The following KCNIP4 variants were observed in gnomAD, a reference collection of about 807,000 sequenced individuals.
The protein encoded by KCNIP4 is potassium voltage-gated channel interacting protein 4, also known as Kv channel-interacting protein 4.
In KCNIP4, 12 loss-of-function variants were observed where a neutral mutation model predicts 34.0. The observed-to-expected ratio is 0.35, with a 90% CI of 0.23 to 0.57. The LOEUF (loss-of-function observed/expected upper bound fraction) is 0.57, where lower values mean the gene tolerates loss of function less well. KCNIP4 is among the 20% of genes least tolerant of loss of function. The probability of loss-of-function intolerance (pLI) is 0.83; values close to 1 mark genes in which losing one functional copy is unlikely to be tolerated. For synonymous variants in KCNIP4, 124 were observed against 102.2 expected (o/e 1.21, Z -1.29); for missense variants, 238 against 311.7 (o/e 0.76, Z 1.78).
intron 1 of KCNIP4, among the ~76,000 whole-genome samples, chr4:21,423,398 T>G (rs1560390950): frequency 6.6e-6 from 1 of 152,210 alleles, no homozygotes. Flanking sequence ...ACTTCTAAAT[T>G]TCCATTTTGC....
chr4:21,339,846 C>T (rs1038540505), intron 1 of KCNIP4, among the ~76,000 whole-genome samples: 1 of 152,150 alleles, frequency 6.6e-6, no homozygotes, highest in Non-Finnish European at 1.5e-5. Context: ...ATTTGAATTA[C>T]ATAACTGGTG....
intron 1 of KCNIP4, among the ~76,000 whole-genome samples, chr4:21,376,480 T>A (rs114214790): frequency 0.01 from 1,596 of 152,320 alleles, 26 homozygotes; most frequent in African/African-American, 0.036. Context: ...TTTACAGTAT[T>A]CTTCCTTCTG....
intron 1 of KCNIP4, among the ~76,000 whole-genome samples, chr4:21,731,717 T>C (rs913217105): frequency 3.9e-5 from 6 of 152,170 alleles, no homozygotes; most frequent in African/African-American, 1.2e-4. Context: ...ATGTTTTGCA[T>C]AGTCCTCTGA....
intron 1 of KCNIP4, among the ~76,000 whole-genome samples, chr4:21,251,917 C>T (rs1186319097): frequency 1.3e-5 from 2 of 150,964 alleles, no homozygotes; most frequent in African/African-American, 2.4e-5. Context: ...TGCTAAATGA[C>T]GAGTTAATGG....
intron 1 of KCNIP4, among the ~76,000 whole-genome samples, chr4:21,814,275 A>G (rs1721837431): frequency 6.6e-6 from 1 of 152,148 alleles, no homozygotes; most frequent in Non-Finnish European, 1.5e-5. Flanking sequence ...TCTGACTGAT[A>G]TGGTTTGGCT....
At chr4:21,240,158 G>A (rs1759696001) in intron 1 of KCNIP4, among the ~76,000 whole-genome samples, 1 of 146,304 alleles carries the variant, frequency 6.8e-6, no homozygotes, top group Non-Finnish European at 1.5e-5. Context: ...CTCACTCATA[G>A]GTGGGAACTG....
intron 1 of KCNIP4, among the ~76,000 whole-genome samples, chr4:21,188,992 C>T (rs1356221403): frequency 2.0e-5 from 3 of 152,118 alleles, no homozygotes; most frequent in Non-Finnish European, 1.5e-5. Flanking sequence ...CTGAATAAAA[C>T]CTTACACACT....
At chr4:21,135,672 G>T (rs2109189261) in intron 1 of KCNIP4, among the ~76,000 whole-genome samples, 1 of 152,194 alleles carries the variant, frequency 6.6e-6, no homozygotes, top group East Asian at 1.9e-4. Context: ...AGAGTGTATG[G>T]GTAGTAGTTT....
At chr4:21,390,562 C>G (rs1722472170) in intron 1 of KCNIP4, among the ~76,000 whole-genome samples, 1 of 152,126 alleles carries the variant, frequency 6.6e-6, no homozygotes, top group Non-Finnish European at 1.5e-5. Context: ...AATAGGGAAT[C>G]CTTTCCCCAT....
At chr4:21,019,786 T>C (rs1296088110) in intron 1 of KCNIP4, among the ~76,000 whole-genome samples, 1 of 152,222 alleles carries the variant, frequency 6.6e-6, no homozygotes, top group African/African-American at 2.4e-5. Context: ...AATTAATTTA[T>C]ATAGGGGTTC....
intron 1 of KCNIP4, among the ~76,000 whole-genome samples, chr4:21,629,623 A>G (rs1241993997): frequency 1.3e-5 from 2 of 152,136 alleles, no homozygotes; most frequent in African/African-American, 2.4e-5. Flanking sequence ...ATAGAAATAA[A>G]ACTGCATGAT....
chr4:21,722,399 G>T (rs1201050650), intron 1 of KCNIP4, among the ~76,000 whole-genome samples: 2 of 152,078 alleles, frequency 1.3e-5, no homozygotes, highest in Admixed American at 6.6e-5. Context: ...TTCAGGAAAT[G>T]AGTAGGTTTT....
chr4:20,959,459 T>C (rs1160189294), intron 1 of KCNIP4, among the ~76,000 whole-genome samples: 1 of 152,210 alleles, frequency 6.6e-6, no homozygotes, highest in Non-Finnish European at 1.5e-5. Context: ...AGGGTATGGA[T>C]GAGAATTGTT....
intron 1 of KCNIP4, among the ~76,000 whole-genome samples, chr4:21,329,312 C>A (rs1393936868): frequency 6.6e-6 from 1 of 152,120 alleles, no homozygotes; most frequent in Non-Finnish European, 1.5e-5. Context: ...AGTTTCCATA[C>A]TTATTGAACT....
chr4:21,346,699 T>G (rs1288023518), intron 1 of KCNIP4, among the ~76,000 whole-genome samples: 1 of 152,160 alleles, frequency 6.6e-6, no homozygotes, highest in East Asian at 1.9e-4. Flanking sequence ...CTGGGGAATC[T>G]TGTTAAAACA....
intron 1 of KCNIP4, among the ~76,000 whole-genome samples, chr4:21,358,590 C>T (rs2109399467): frequency 6.6e-6 from 1 of 152,112 alleles, no homozygotes; most frequent in African/African-American, 2.4e-5. Flanking sequence ...CCAGATTGAA[C>T]ATTATTTCTG....
At chr4:21,229,465 C>G (rs1398628612) in intron 1 of KCNIP4, among the ~76,000 whole-genome samples, 1 of 152,118 alleles carries the variant, frequency 6.6e-6, no homozygotes, top group Non-Finnish European at 1.5e-5. Flanking sequence ...TCACACAGTG[C>G]CCTGTTAATT....
At chr4:21,309,781 G>A (rs1242215376) in intron 1 of KCNIP4, among the ~76,000 whole-genome samples, 2 of 152,146 alleles carry the variant, frequency 1.3e-5, no homozygotes, top group African/African-American at 4.8e-5. Flanking sequence ...TATTTTAGAT[G>A]CCATTGAAAA....
At chr4:20,732,650 A>G (rs765802618) in intron 7 of KCNIP4, 31 bp downstream of exon 7, 2 of 1,406,492 alleles carry the variant, frequency 1.4e-6, no homozygotes, top group East Asian at 2.3e-5. Flanking sequence ...TCCTAACTTC[A>G]TGCCCTCTTG....
Sources: allele counts gnomAD v4.1 joint callset (sites outside exome capture counted in the v4.1 genomes callset), GRCh38; gene constraint gnomAD v4.1.1; transcripts MANE v1.5; gene names NCBI Gene and HGNC (gene_info 2026-07-23, HGNC 2026-07-21).